NOS1: variants seen among roughly 807,000 people sequenced by gnomAD.
The protein encoded by NOS1 is nitric oxide synthase 1.
In NOS1, 51 loss-of-function variants were observed where a neutral mutation model predicts 164.5. The observed-to-expected ratio is 0.31, with a 90% CI of 0.25 to 0.39. The LOEUF (loss-of-function observed/expected upper bound fraction) is 0.39. NOS1 is among the 10% of genes least tolerant of loss of function. The probability of loss-of-function intolerance (pLI) is 1.00; values close to 1 mark genes in which losing one functional copy is unlikely to be tolerated. For missense variants in NOS1, 1,362 were observed against 1,885.6 expected (o/e 0.72, Z 5.14); for synonymous variants, 719 against 745.8 (o/e 0.96, Z 0.59).
At chr12:117,244,606 G>GT (rs1203721601) in intron 18 of NOS1, among the ~76,000 whole-genome samples, 2 of 152,206 alleles carry the variant, frequency 1.3e-5, no homozygotes, top group African/African-American at 2.4e-5. Flanking sequence ...TTTAAGAGTA[G>GT]TTTTTACCAT....
At chr12:117,291,836 T>C (rs893443990) in intron 3 of NOS1, among the ~76,000 whole-genome samples, 4 of 152,108 alleles carry the variant, frequency 2.6e-5, no homozygotes, top group African/African-American at 9.7e-5. Flanking sequence ...GTGCCTGGCC[T>C]AGGATCACAT....
chr12:117,334,522 G>T, intron 1 of NOS1, among the ~76,000 whole-genome samples: 1 of 151,852 alleles, frequency 6.6e-6, no homozygotes, highest in East Asian at 1.9e-4. Flanking sequence ...TCAGCCTCCC[G>T]AGTAGCTGGG....
At position 117,286,160 on chromosome 12, in the gene NOS1, G is replaced by C; in HGVS notation, c.1234C>G (p.His412Asp). 2 of 1,614,234 alleles carry C rather than the reference G, an allele frequency of 1.2e-6. No homozygotes were observed. Among genetic ancestry groups the C allele is most frequent in the Non-Finnish European group, 1.7e-6 (2 of 1,180,044 alleles). Residue 412 changes from histidine (H) to aspartate (D), a missense_variant, in exon 6 of 29, where the codon CAC becomes GAC. This residue lies in a region of NOS1 where 129 missense variants were observed against 186.0 expected (regional missense o/e 0.69). Coordinates refer to ENST00000317775, the MANE Select transcript of NOS1 (RefSeq NM_000620.5). ...KDTELIYGAKHAWRNASRCVG... is the reference protein window; with the variant it reads ...KDTELIYGAKDAWRNASRCVG... ...CAGCGCGAGGCATTCCGCCAGGCGT[G>C]CTTGGCCCCATAGATGAGCTCTGTG...
chr12:117,283,311 C>T (rs1342988149), intron 7 of NOS1, among the ~76,000 whole-genome samples: 1 of 152,162 alleles, frequency 6.6e-6, no homozygotes, highest in East Asian at 1.9e-4. Flanking sequence ...ATCCATTCAC[C>T]TTGGCCTCCC....
rs760506720 is a variant in NOS1, at chr12:117,288,048, G to A, written c.1127+26C>T. 1.3e-5 allele frequency: 21 copies of A among 1,612,318 alleles called. No homozygotes were observed. The East Asian group carries it at 4.7e-4, about 36-fold the overall frequency. On this transcript the variant is annotated intron_variant, in intron 5 of 28. Coordinates refer to ENST00000317775, the MANE Select transcript of NOS1 (RefSeq NM_000620.5). The stretch of plus-strand genomic sequence containing the variant: ...TCCAGCATTCGATAACTTACCTCGG[G>A]CTCCCCGGAATTGACACACACTTGC...
chr12:117,340,618 C>T (rs1386577390), intron 1 of NOS1, among the ~76,000 whole-genome samples: 1 of 152,180 alleles, frequency 6.6e-6, no homozygotes, highest in East Asian at 1.9e-4. Context: ...CAACCTCTGC[C>T]TCCCAGGTTC....
intron 22 of NOS1, among the ~76,000 whole-genome samples, chr12:117,230,110 G>A (rs1262021441): frequency 1.3e-5 from 2 of 151,816 alleles, no homozygotes; most frequent in South Asian, 2.1e-4. Context: ...TAGAGATGGG[G>A]TCTATGTTGC....
intron 1 of NOS1, among the ~76,000 whole-genome samples, chr12:117,344,982 A>C (rs1261226079): frequency 6.6e-6 from 1 of 150,466 alleles, no homozygotes; most frequent in African/African-American, 2.4e-5. Context: ...AACGCGGGCT[A>C]TTATGATTAA....
chr12:117,266,220 T>C (rs1372359530), intron 11 of NOS1, among the ~76,000 whole-genome samples: 1 of 152,138 alleles, frequency 6.6e-6, no homozygotes, highest in Non-Finnish European at 1.5e-5. Flanking sequence ...CCGAGCAGTA[T>C]ACACTGCACA....
In NOS1 at chr12:117,243,067, G is replaced by A. The variant is rs545979374; in HGVS notation, c.2962+230C>T. Among the ~76,000 whole-genome samples the A allele has an allele frequency of 4.6e-5, 7 of 152,296 alleles. No individual in the cohort carries two copies. The highest frequency in any genetic ancestry group is 2.6e-4 in the Admixed American group (4 of 15,300). Reference sequence around the variant, plus strand: ...AAATATAGTTGAGTTAAGTTGAGAAGAGGATGGTTTGGAAGAACACAGTAC... The same window carrying A: ...AAATATAGTTGAGTTAAGTTGAGAAAAGGATGGTTTGGAAGAACACAGTAC... On this transcript the variant is annotated intron_variant, in intron 19 of 28. Transcript: ENST00000317775. This position sits in a 1 kb window ranked among gnomAD's most constrained non-coding sequence, Gnocchi z 4.3.
intron 20 of NOS1, among the ~76,000 whole-genome samples, chr12:117,238,701 G>C (rs957945582): frequency 6.6e-6 from 1 of 151,950 alleles, no homozygotes; most frequent in African/African-American, 2.4e-5. Context: ...ATTTTTAGTA[G>C]AGACAGGGTT....
At chr12:117,215,787 G>A (rs1243416444) in intron 28 of NOS1, among the ~76,000 whole-genome samples, 1 of 151,768 alleles carries the variant, frequency 6.6e-6, no homozygotes, top group Non-Finnish European at 1.5e-5. Flanking sequence ...CTGGCACCTA[G>A]CAGGGGCTTG....
chr12:117,265,467 G>C lies in NOS1; in HGVS notation c.1985C>G (p.Ser662Cys). The C allele has an allele frequency of 6.3e-7, 1 of 1,579,154 alleles. No individual in the cohort carries two copies. Among genetic ancestry groups the C allele is most frequent in the South Asian group, 1.2e-5 (1 of 83,178 alleles). Reference protein sequence around the residue: ...TIVDHHSATESFIKHMENEYR... With the variant: ...TIVDHHSATECFIKHMENEYR... ...CTCATTCTCCATGTGCTTAATGAAG[G>C]ACTCGGTGGCGGAGTGATGGTCAAC... Residue 662 changes from serine (S) to cysteine (C), a missense_variant, in exon 12 of 29, where the codon TCC becomes TGC. Around this residue, in one of 4 missense-constraint regions of NOS1, gnomAD observed 737 missense variants for 1,030.3 expected, o/e 0.72. Transcript: ENST00000317775.
At chr12:117,302,061 A>C (rs930015060) in intron 3 of NOS1, 4 of 456,542 alleles carry the variant, frequency 8.8e-6, no homozygotes, top group Non-Finnish European at 1.8e-5. Context: ...TGTGATTCTC[A>C]GTTTCCTCAT....
At chr12:117,221,084 G>A (rs747082971) in intron 26 of NOS1, among the ~76,000 whole-genome samples, 3 of 151,884 alleles carry the variant, frequency 2.0e-5, no homozygotes, top group African/African-American at 7.3e-5. Context: ...TCTGTGGCCC[G>A]TGTCCATTCT....
chr12:117,266,440 G>A (rs1220097185), intron 11 of NOS1, among the ~76,000 whole-genome samples: 3 of 152,102 alleles, frequency 2.0e-5, no homozygotes, highest in Admixed American at 1.3e-4. Context: ...CCATGAATTC[G>A]GTTGGTTCCA....
intron 3 of NOS1, among the ~76,000 whole-genome samples, chr12:117,295,502 C>T (rs1005617496): frequency 3.3e-5 from 5 of 152,020 alleles, no homozygotes; most frequent in African/African-American, 9.7e-5. Context: ...TTTATCTTGT[C>T]CTTTAGATAA....
rs1167439395 is a variant in NOS1, at chr12:117,212,459, A to G, written c.*2850T>C. On this transcript the variant is annotated 3_prime_UTR_variant, in exon 29 of 29. Coordinates refer to ENST00000317775, the MANE Select transcript of NOS1 (RefSeq NM_000620.5). ...CCAAAAGAAGCCCTCTCTCCTCCCAAGGAGTTTAACATCATCTCTCTGCTC... is the reference window on the plus strand; with the variant it reads ...CCAAAAGAAGCCCTCTCTCCTCCCAGGGAGTTTAACATCATCTCTCTGCTC... 1.0e-6 allele frequency: 1 copy of G among 985,266 alleles called. No individual in the cohort carries two copies. Among genetic ancestry groups the G allele is most frequent in the East Asian group, 1.1e-4 (1 of 8,818 alleles). The allele number at this position is 985,266 out of a possible 1,614,324, so 61.0% of individuals were successfully genotyped here. A position where few individuals can be genotyped will look rare whatever the true frequency, so the allele number is the denominator to read the frequency against.
At chr12:117,304,601 T>C (rs1482422559) in intron 3 of NOS1, among the ~76,000 whole-genome samples, 4 of 152,166 alleles carry the variant, frequency 2.6e-5, no homozygotes, top group African/African-American at 9.7e-5. Flanking sequence ...TGAACTGATT[T>C]GTTCTATCTA....
Sources: gnomAD v4.1 joint callset for allele counts (sites outside exome capture counted in the v4.1 genomes callset) on GRCh38, gnomAD v4.1.1 for gene constraint, gnomAD v4.1.1 regional missense constraint, Gnocchi (gnomAD v3.1) non-coding constraint, MANE v1.5 for transcripts, NCBI Gene and HGNC (gene_info 2026-07-23, HGNC 2026-07-21) for gene names.